The following MARK3 variants were observed in gnomAD, a reference collection of about 807,000 sequenced individuals.
MARK3 encodes the protein MAP/microtubule affinity-regulating kinase 3.
MARK3 carries 46 observed loss-of-function variants against 90.1 expected under a neutral mutation model. That is an observed-to-expected ratio of 0.51 (90% CI 0.40 to 0.65). The LOEUF (loss-of-function observed/expected upper bound fraction) is 0.65. Ranked by LOEUF, MARK3 falls within the 30% of genes least tolerant of loss-of-function variation. MARK3 has a pLI of 0.00. For missense variants in MARK3, 818 were observed against 947.2 expected (o/e 0.86, Z 1.79); for synonymous variants, 321 against 332.6 (o/e 0.97, Z 0.38).
intron 2 of MARK3, among the ~76,000 whole-genome samples, chr14:103,414,470 G>A (rs2140881422): frequency 6.6e-6 from 1 of 151,578 alleles, no homozygotes; most frequent in South Asian, 2.1e-4. Flanking sequence ...CTCCCCAGGT[G>A]CTGGGATTAC....
intron 12 of MARK3, among the ~76,000 whole-genome samples, chr14:103,469,871 A>T (rs555841528): frequency 6.6e-6 from 1 of 151,842 alleles, no homozygotes; most frequent in South Asian, 2.1e-4. Context: ...GACTAGCCTG[A>T]CCAACGTGGT....
At chr14:103,404,020 G>C (rs1180477842) in intron 1 of MARK3, among the ~76,000 whole-genome samples, 1 of 152,166 alleles carries the variant, frequency 6.6e-6, no homozygotes, top group African/African-American at 2.4e-5. Context: ...AAATATTAGA[G>C]AAATAATGAA....
At chr14:103,441,189 GTCTC>G (rs946383491) in intron 3 of MARK3, among the ~76,000 whole-genome samples, 2 of 152,114 alleles carry the variant, frequency 1.3e-5, no homozygotes, top group African/African-American at 2.4e-5. Context: ...TCTTGATACT[GTCTC>G]TCAGTGAATA....
At chr14:103,442,276 A>G (rs1429029398) in intron 3 of MARK3, among the ~76,000 whole-genome samples, 1 of 151,886 alleles carries the variant, frequency 6.6e-6, no homozygotes, top group African/African-American at 2.4e-5. Flanking sequence ...AGGCTGAGGC[A>G]GGAGAATGGT....
intron 2 of MARK3, among the ~76,000 whole-genome samples, chr14:103,423,123 G>A (rs1373251736): frequency 3.3e-5 from 5 of 149,430 alleles, no homozygotes; most frequent in African/African-American, 1.2e-4. Context: ...CCAGTGTGTG[G>A]TATTTTGGTT....
chr14:103,495,222 G>A (rs1011700100), intron 15 of MARK3, among the ~76,000 whole-genome samples: 3 of 152,194 alleles, frequency 2.0e-5, no homozygotes, highest in African/African-American at 7.2e-5. Context: ...TGTAATCCCA[G>A]CACTTTGGGA....
At chr14:103,484,822 G>A (rs1207126177) in intron 14 of MARK3, among the ~76,000 whole-genome samples, 1 of 151,986 alleles carries the variant, frequency 6.6e-6, no homozygotes, top group African/African-American at 2.4e-5. Flanking sequence ...TTGGGAAGCT[G>A]AGGCAGGAGA....
rs748756539 is a variant in MARK3, at chr14:103,503,096, G to A, written c.2131G>A (p.Val711Met). 8 of 1,614,086 alleles carry A rather than the reference G, an allele frequency of 5.0e-6. No homozygotes were observed. The highest frequency in any genetic ancestry group is 4.0e-5 in the African/African-American group (3 of 74,940). The part of the protein sequence containing the change: ...VHGDGHAENL[V>M]QWEMEVCKLP... ...CGGAGATGGGCACGCGGAGAACCTC[G>A]TGCAGTGGGAAATGGAAGTGTGCAA... Residue 711 changes from valine to methionine, a missense_variant, in exon 18 of 18, where the codon GTG becomes ATG. By Grantham distance (21) the Val-to-Met change is conservative. Around this residue, in one of 3 missense-constraint regions of MARK3, gnomAD observed 560 missense variants for 613.5 expected, o/e 0.91. Coordinates refer to ENST00000429436, the MANE Select transcript of MARK3 (RefSeq NM_001128918.3).
intron 2 of MARK3, among the ~76,000 whole-genome samples, chr14:103,419,029 C>T (rs1359633754): frequency 6.6e-6 from 1 of 152,194 alleles, no homozygotes; most frequent in Non-Finnish European, 1.5e-5. Flanking sequence ...TGGCTCACGC[C>T]TGTAATCCCA....
At chr14:103,497,437 C>T (rs904263149) in intron 15 of MARK3, among the ~76,000 whole-genome samples, 5 of 152,150 alleles carry the variant, frequency 3.3e-5, no homozygotes, top group Admixed American at 6.5e-5. Flanking sequence ...GGAAGCTGAT[C>T]GCATTGATCA....
intron 17 of MARK3, 83 bp downstream of exon 17, chr14:103,500,283 C>T: frequency 8.8e-6 from 9 of 1,026,802 alleles, no homozygotes; most frequent in Non-Finnish European, 1.3e-5. Flanking sequence ...TCTGAATGTT[C>T]CCTACTGTAT....
chr14:103,446,341 C>T (rs1049891020), intron 3 of MARK3, among the ~76,000 whole-genome samples: 22 of 152,096 alleles, frequency 1.4e-4, no homozygotes, highest in African/African-American at 4.3e-4. Flanking sequence ...GCCTGGCCAA[C>T]GTGGCAAAAC....
At chr14:103,413,593 T>C (rs2091788962) in intron 2 of MARK3, among the ~76,000 whole-genome samples, 1 of 146,524 alleles carries the variant, frequency 6.8e-6, no homozygotes, top group African/African-American at 2.5e-5. Context: ...TGGCTTATTT[T>C]ATTTTATTTT....
chr14:103,404,548 G>A (rs566917769), intron 1 of MARK3, among the ~76,000 whole-genome samples: 32 of 152,274 alleles, frequency 2.1e-4, no homozygotes, highest in African/African-American at 7.0e-4. Context: ...AACAAGGGTC[G>A]TCTATTAAGG....
chr14:103,470,472 T>TTTTTTTTTTTTTTTTTGTTG (rs1595836589), intron 12 of MARK3, among the ~76,000 whole-genome samples: 1 of 137,232 alleles, frequency 7.3e-6, no homozygotes, highest in Admixed American at 7.7e-5. Flanking sequence ...TTTTTTTTTT[T>TTTTTTTTTTTTTTTTTGTTG]GAGATGGAGT....
chr14:103,443,907 G>A (rs2092925213), intron 3 of MARK3, among the ~76,000 whole-genome samples: 1 of 152,112 alleles, frequency 6.6e-6, no homozygotes, highest in South Asian at 2.1e-4. Context: ...CAAAGGGACA[G>A]TTTCTGTAGA....
At chr14:103,460,662 A>G (rs1448155601) in intron 6 of MARK3, among the ~76,000 whole-genome samples, 3 of 152,210 alleles carry the variant, frequency 2.0e-5, no homozygotes, top group African/African-American at 7.2e-5. Context: ...AGGGCAGGAA[A>G]TCAAATCTGC....
At chr14:103,438,666 T>C (rs1312371581) in intron 3 of MARK3, among the ~76,000 whole-genome samples, 1 of 151,778 alleles carries the variant, frequency 6.6e-6, no homozygotes, top group African/African-American at 2.4e-5. Context: ...GATGGGAAGA[T>C]TCTTAGTTTG....
At position 103,385,868 on chromosome 14, in the gene MARK3, G is replaced by A; in HGVS notation, c.-162G>A. ...CCCGGGACCCGCCGGGGGACGGCCC[G>A]GGCCAGGCCCGGGATCTAGACGGCC... On this transcript the variant is annotated 5_prime_UTR_variant, in exon 1 of 18. Transcript: ENST00000429436. 1.8e-6 allele frequency: 1 copy of A among 566,338 alleles called. No homozygotes were observed. The highest frequency in any genetic ancestry group is 3.1e-6 in the Non-Finnish European group (1 of 318,720). The allele number at this position is 566,338 out of a possible 1,614,324, so 35.1% of individuals were successfully genotyped here. A position where few individuals can be genotyped will look rare whatever the true frequency, so the allele number is the denominator to read the frequency against.
Sources: gnomAD v4.1 joint callset for allele counts (sites outside exome capture counted in the v4.1 genomes callset) on GRCh38, gnomAD v4.1.1 for gene constraint, gnomAD v4.1.1 regional missense constraint, MANE v1.5 for transcripts, NCBI Gene and HGNC (gene_info 2026-07-23, HGNC 2026-07-21) for gene names.